Variants in NALCN observed in about 807,000 individuals in gnomAD.
The protein encoded by NALCN is sodium leak channel NALCN.
Under a neutral mutation model 225.3 loss-of-function variants are expected in NALCN, and 111 were observed. That is an observed-to-expected ratio of 0.49 (90% CI 0.42 to 0.58). The LOEUF is 0.58. Among genes scored for constraint, NALCN ranks in the 20% least tolerant of loss-of-function variants. The probability of loss-of-function intolerance (pLI) is 0.00; values close to 1 mark genes in which losing one functional copy is unlikely to be tolerated. For missense variants in NALCN, 1,378 were observed against 2,202.4 expected (o/e 0.63, Z 7.49); for synonymous variants, 764 against 769.0 (o/e 0.99, Z 0.11).
chr13:101,144,210 C>T (rs1331471168), intron 16 of NALCN, among the ~76,000 whole-genome samples: 2 of 152,046 alleles, frequency 1.3e-5, no homozygotes, highest in Admixed American at 6.5e-5. Flanking sequence ...GGAGGGCAAA[C>T]GTGGTAGAAA....
At chr13:101,353,075 G>A (rs2045951904) in intron 6 of NALCN, among the ~76,000 whole-genome samples, 1 of 152,080 alleles carries the variant, frequency 6.6e-6, no homozygotes, top group African/African-American at 2.4e-5. Flanking sequence ...TATTTATATA[G>A]TATGTTCTAG....
At chr13:101,276,963 T>C (rs1280128092) in intron 10 of NALCN, among the ~76,000 whole-genome samples, 1 of 152,156 alleles carries the variant, frequency 6.6e-6, no homozygotes, top group African/African-American at 2.4e-5. Flanking sequence ...GCAATGTTTC[T>C]ATATATATGT....
chr13:101,218,911 A>G (rs950967709), intron 13 of NALCN, among the ~76,000 whole-genome samples: 3 of 152,108 alleles, frequency 2.0e-5, no homozygotes, highest in African/African-American at 7.2e-5. Context: ...CTTTATAGCA[A>G]TGTGAGAGCA....
chr13:101,291,490 C>A (rs926003778), intron 9 of NALCN, among the ~76,000 whole-genome samples: 1 of 152,102 alleles, frequency 6.6e-6, no homozygotes, highest in Non-Finnish European at 1.5e-5. Flanking sequence ...TACCTCACTG[C>A]CTGGAAGCTC....
At chr13:101,263,271 T>A (rs1184322366) in intron 10 of NALCN, among the ~76,000 whole-genome samples, 1 of 152,224 alleles carries the variant, frequency 6.6e-6, no homozygotes. Context: ...TATATGCACA[T>A]CAATTTACTT....
chr13:101,400,096 T>C (rs1757614422), intron 1 of NALCN, among the ~76,000 whole-genome samples: 2 of 151,974 alleles, frequency 1.3e-5, no homozygotes, highest in Admixed American at 6.5e-5. Flanking sequence ...GCATATACTA[T>C]GTTTGGGACA....
At chr13:101,415,749 T>C (rs543378014) in intron 1 of NALCN, among the ~76,000 whole-genome samples, 1 of 152,276 alleles carries the variant, frequency 6.6e-6, no homozygotes, top group South Asian at 2.1e-4. Flanking sequence ...CACAGGAGCA[T>C]GGGGGTGGGG....
At chr13:101,414,432 A>T (rs1241842707) in intron 1 of NALCN, among the ~76,000 whole-genome samples, 2 of 152,182 alleles carry the variant, frequency 1.3e-5, no homozygotes, top group African/African-American at 4.8e-5. Context: ...TGTGACTCTG[A>T]CCTGGGATAA....
chr13:101,063,540 A>T (rs1252095059), intron 40 of NALCN, among the ~76,000 whole-genome samples: 1 of 152,202 alleles, frequency 6.6e-6, no homozygotes, highest in African/African-American at 2.4e-5. Context: ...CAACCAAAAA[A>T]ATTTGCCACT....
chr13:101,194,500 T>C lies in NALCN; in HGVS notation c.1627-2446A>G, dbSNP rs188575784. Reference sequence around the variant, plus strand: ...TTTTATCCAGAAATTTAAATTCAAATGGTAGTGTGCTTGAGATAGTGACTC... The same window carrying C: ...TTTTATCCAGAAATTTAAATTCAAACGGTAGTGTGCTTGAGATAGTGACTC... On this transcript the variant is annotated intron_variant, in intron 13 of 43. Transcript: ENST00000251127. Among the ~76,000 whole-genome samples, 9 of 152,324 alleles carry C rather than the reference T, an allele frequency of 5.9e-5. No homozygotes were observed. In the East Asian group the frequency reaches 1.7e-3, roughly 29 times the overall value.
At chr13:101,231,997 CT>C (rs35977237) in intron 12 of NALCN, among the ~76,000 whole-genome samples, 2,212 of 139,280 alleles carry the variant, frequency 0.016, 30 homozygotes, top group African/African-American at 0.039. Context: ...TGTTCTATTT[CT>C]TTTTTTTTTT....
chr13:101,259,781 C>CAT (rs60991665), intron 10 of NALCN, among the ~76,000 whole-genome samples: 125,939 of 144,626 alleles, frequency 0.87, 57,224 homozygotes, highest in Non-Finnish European at 0.99. Flanking sequence ...TATATATACA[C>CAT]ATATATATTT....
At chr13:101,188,832 G>A (rs1391708740) in intron 14 of NALCN, among the ~76,000 whole-genome samples, 1 of 151,732 alleles carries the variant, frequency 6.6e-6, no homozygotes, top group Non-Finnish European at 1.5e-5. Flanking sequence ...GCTTACAGGT[G>A]CTCACCACCA....
chr13:101,399,159 CCA>C lies in NALCN; in HGVS notation c.-35_-34del. 6.2e-7 allele frequency: 1 copy of C among 1,610,774 alleles called. No homozygotes were observed. Among genetic ancestry groups the C allele is most frequent in the Non-Finnish European group, 8.5e-7 (1 of 1,177,924 alleles). ...TTAGCTTTGGTGAGCAAGCACAAAA[CCA>C]CAGTCTGGGAAAAGGAAAAGTTGTA... On this transcript the variant is annotated 5_prime_UTR_variant, in exon 2 of 44. The change abolishes the stop of an existing upstream ORF in the 5' untranslated region. Coordinates refer to ENST00000251127, the MANE Select transcript of NALCN (RefSeq NM_052867.4).
intron 1 of NALCN, among the ~76,000 whole-genome samples, chr13:101,405,204 G>A (rs1030710417): frequency 7.2e-5 from 11 of 152,164 alleles, no homozygotes; most frequent in Non-Finnish European, 1.6e-4. Context: ...GACGACAAAA[G>A]GCGATGCTTA....
At chr13:101,384,993 GAACT>G (rs1354333371) in intron 3 of NALCN, among the ~76,000 whole-genome samples, 1 of 152,180 alleles carries the variant, frequency 6.6e-6, no homozygotes, top group East Asian at 1.9e-4. Context: ...CTTCCAGAGT[GAACT>G]ATTCAAACAC....
At chr13:101,144,051 A>G (rs1264200223) in intron 16 of NALCN, among the ~76,000 whole-genome samples, 1 of 152,214 alleles carries the variant, frequency 6.6e-6, no homozygotes, top group Non-Finnish European at 1.5e-5. Flanking sequence ...ATATAGTCTC[A>G]TACTTTTATA....
intron 19 of NALCN, 85 bp downstream of exon 19, chr13:101,111,040 A>G: frequency 7.3e-7 from 1 of 1,361,996 alleles, no homozygotes. Context: ...GCCAGGGCTG[A>G]CAGCCGTGAC....
intron 11 of NALCN, among the ~76,000 whole-genome samples, chr13:101,257,704 A>T (rs1037911264): frequency 6.6e-6 from 1 of 152,156 alleles, no homozygotes; most frequent in Non-Finnish European, 1.5e-5. Context: ...TTGTCAATCA[A>T]TTTTTTTGTA....
Sources: allele counts gnomAD v4.1 joint callset (sites outside exome capture counted in the v4.1 genomes callset), GRCh38; gene constraint gnomAD v4.1.1; transcripts MANE v1.5; gene names NCBI Gene and HGNC (gene_info 2026-07-23, HGNC 2026-07-21).